The following CHD1L variants were observed in gnomAD, a reference collection of about 807,000 sequenced individuals.
CHD1L encodes the protein chromodomain helicase DNA binding protein 1 like.
In CHD1L, 118 loss-of-function variants were observed where a neutral mutation model predicts 115.9. The ratio of observed to expected loss-of-function variants is 1.02; its 90% CI spans 0.88 to 1.19. The LOEUF is 1.19. Ranked by LOEUF, CHD1L falls within the 50% of genes most tolerant of loss-of-function variation. The pLI is 0.00. For synonymous variants in CHD1L, 411 were observed against 387.1 expected, an observed-to-expected ratio of 1.06 and a Z score of -0.72; for missense variants, 1,179 against 1,065.3, an observed-to-expected ratio of 1.11 and a Z score of -1.49.
intron 2 of CHD1L, among the ~76,000 whole-genome samples, chr1:147,253,637 C>T (rs1487267402): frequency 7.2e-5 from 11 of 152,190 alleles, no homozygotes; most frequent in Admixed American, 1.3e-4. Flanking sequence ...GCTGGGACTA[C>T]AGGCGCATGC....
At chr1:147,193,813 G>A in the CHD1L span, among the ~76,000 whole-genome samples, 1 of 152,108 alleles carries the variant, frequency 6.6e-6, no homozygotes, top group African/African-American at 2.4e-5. Context: ...GTAGTTGAGT[G>A]GTTTTGAGTG....
chr1:147,209,100 C>T, the CHD1L span: 3 of 1,509,988 alleles, frequency 2.0e-6, no homozygotes, highest in South Asian at 3.5e-5. Flanking sequence ...ATTCGTAAAC[C>T]TTCAAAAGCA....
intron 3 of CHD1L, 35 bp from the exon 4 acceptor site, chr1:147,255,778 T>A (rs782117776): frequency 6.9e-7 from 1 of 1,443,982 alleles, no homozygotes; most frequent in Non-Finnish European, 9.7e-7. Flanking sequence ...ATGGATCTAG[T>A]ATTTATGTTT....
the CHD1L span, among the ~76,000 whole-genome samples, chr1:147,227,118 C>A: frequency 6.6e-6 from 1 of 152,190 alleles, no homozygotes; most frequent in South Asian, 2.1e-4. Context: ...CATGAGCCAA[C>A]AAGGCCAGCC....
the CHD1L span, among the ~76,000 whole-genome samples, chr1:147,205,327 C>G: frequency 6.6e-6 from 1 of 152,142 alleles, no homozygotes; most frequent in Non-Finnish European, 1.5e-5. Flanking sequence ...TTGATGGTAT[C>G]TATACCACCT....
At chr1:147,289,518 T>C (rs1194256518) in intron 19 of CHD1L, among the ~76,000 whole-genome samples, 1 of 152,014 alleles carries the variant, frequency 6.6e-6, no homozygotes, top group African/African-American at 2.4e-5. Flanking sequence ...AGCTCAGACT[T>C]AAGGCCTGAG....
intron 17 of CHD1L, among the ~76,000 whole-genome samples, chr1:147,285,890 G>A (rs587732565): frequency 6.6e-6 from 1 of 152,054 alleles, no homozygotes; most frequent in South Asian, 2.1e-4. Flanking sequence ...TAGAGACAGA[G>A]TTTCACGGTG....
At chr1:147,242,865 G>T in intron 1 of CHD1L, 35 bp downstream of exon 1, 1 of 1,262,318 alleles carries the variant, frequency 7.9e-7, no homozygotes. Flanking sequence ...GGCCAGGCGG[G>T]CCAACCTATT....
At chr1:147,275,217 G>A (rs1458880426) in intron 12 of CHD1L, 137 bp from the exon 13 acceptor site, 5 of 689,620 alleles carry the variant, frequency 7.3e-6, no homozygotes, top group Non-Finnish European at 1.3e-5. Context: ...AGTTAGGGGT[G>A]TGGGTCCATT....
the CHD1L span, chr1:147,210,991 G>C: frequency 2.0e-5 from 3 of 152,092 alleles, no homozygotes; most frequent in Non-Finnish European, 4.4e-5. Flanking sequence ...TAAAGTTTTT[G>C]ATTTATAAAC....
chr1:147,293,746 A>G, intron 21 of CHD1L, 24 bp downstream of exon 21: 2 of 1,575,018 alleles, frequency 1.3e-6, no homozygotes, highest in Non-Finnish European at 8.7e-7. Flanking sequence ...CCTGTGCTCA[A>G]GAGTAGATGA....
At chr1:147,252,448 T>C (rs1234203846) in intron 1 of CHD1L, among the ~76,000 whole-genome samples, 175 bp from the exon 2 acceptor site, 1 of 152,188 alleles carries the variant, frequency 6.6e-6, no homozygotes, top group African/African-American at 2.4e-5. Flanking sequence ...GCTCAAAAAG[T>C]AGTTTGGAAG....
chr1:147,284,474 G>A lies in CHD1L; in HGVS notation c.1829G>A (p.Gly610Asp). The change falls in exon 16 of 23, where the codon GGC becomes GAC. Residue 610 changes from glycine to aspartate, a missense_variant. By Grantham distance (94) the Gly-to-Asp change is moderately conservative. Transcript: ENST00000369258. Reference sequence around the variant, plus strand: ...CTTTTGGAGAAAGCTAGTCAAGAGGGCCGATCACTCCGAAATAAAGGCAGT... The same window carrying A: ...CTTTTGGAGAAAGCTAGTCAAGAGGACCGATCACTCCGAAATAAAGGCAGT... ...KTLLEKASQE[G>D]RSLRNKGSVL... The A allele has an allele frequency of 6.2e-7, 1 of 1,604,596 alleles. No homozygotes were observed. The highest frequency in any genetic ancestry group is 8.5e-7 in the Non-Finnish European group (1 of 1,177,266).
the CHD1L span, among the ~76,000 whole-genome samples, chr1:147,237,231 A>G: frequency 2.6e-5 from 4 of 152,106 alleles, no homozygotes; most frequent in African/African-American, 9.7e-5. Flanking sequence ...CAATGGGAGG[A>G]GACACTTCTT....
chr1:147,278,008 AGTG>A (rs1553959146), intron 14 of CHD1L, among the ~76,000 whole-genome samples: 1 of 151,924 alleles, frequency 6.6e-6, no homozygotes, highest in African/African-American at 2.4e-5. Context: ...GCCACAAACG[AGTG>A]GGAACATGGA....
chr1:147,202,174 T>C, the CHD1L span, among the ~76,000 whole-genome samples: 1 of 151,866 alleles, frequency 6.6e-6, no homozygotes, highest in African/African-American at 2.4e-5. Flanking sequence ...GGGCTTGTTA[T>C]TGTTTCCTAG....
At chr1:147,251,880 C>T (rs978869507) in intron 1 of CHD1L, among the ~76,000 whole-genome samples, 1 of 152,150 alleles carries the variant, frequency 6.6e-6, no homozygotes. Context: ...AGAAAAATAA[C>T]TTATTTTTTA....
At chr1:147,219,510 A>T in the CHD1L span, among the ~76,000 whole-genome samples, 2 of 152,170 alleles carry the variant, frequency 1.3e-5, no homozygotes, top group African/African-American at 4.8e-5. Context: ...TCTACAAAAT[A>T]CCTATAACCA....
At chr1:147,291,745 A>G (rs902180440) in intron 20 of CHD1L, among the ~76,000 whole-genome samples, 193 bp downstream of exon 20, 1 of 152,126 alleles carries the variant, frequency 6.6e-6, no homozygotes, top group East Asian at 1.9e-4. Flanking sequence ...AAAGTCCAAG[A>G]TCAAGGTATC....
Sources: allele counts gnomAD v4.1 joint callset (sites outside exome capture counted in the v4.1 genomes callset), GRCh38; gene constraint gnomAD v4.1.1; transcripts MANE v1.5; gene names NCBI Gene and HGNC (gene_info 2026-07-23, HGNC 2026-07-21).